LRRC9: variants seen among roughly 807,000 people sequenced by gnomAD.
LRRC9 encodes the protein leucine rich repeat containing 9.
A neutral mutation model predicts 63.2 loss-of-function variants in LRRC9; 122 were observed. That is an observed-to-expected ratio of 1.93 (90% confidence interval 1.67 to 2.24). LRRC9 has a LOEUF of 2.24. Among genes scored for constraint, LRRC9 ranks in the 30% most tolerant of loss-of-function variants. LRRC9 has a pLI of 0.00. For synonymous variants in LRRC9, 366 were observed against 213.1 expected (o/e 1.72, Z -6.25); for missense variants, 1,071 against 627.7 (o/e 1.71, Z -7.55).
Position 60,042,326 on chromosome 14 carries a change from C to T in LRRC9, c.3990+10263C>T, listed in dbSNP as rs551746102. On this transcript the variant is annotated intron_variant, in intron 29 of 31. Transcript: ENST00000445360. This position sits in a 1 kb window ranked among gnomAD's most constrained non-coding sequence, Gnocchi z 4.2. The stretch of plus-strand genomic sequence containing the variant: ...GCAGAAGTTTCTGCTGCCTGTTGTT[C>T]AGCTATGCCCTGCCCCCAGAGGTGG... Among the ~76,000 whole-genome samples, 1,448 of 152,308 alleles carry T rather than the reference C, an allele frequency of 9.5e-3. 26 individuals carry two copies. The highest frequency in any genetic ancestry group is 0.033 in the African/African-American group (1,370 of 41,568).
At chr14:60,008,853 A>G (rs1267732826) in intron 23 of LRRC9, among the ~76,000 whole-genome samples, 1 of 152,188 alleles carries the variant, frequency 6.6e-6, no homozygotes, top group Non-Finnish European at 1.5e-5. Flanking sequence ...TAGAAAATTG[A>G]AAGATAGTTC....
intron 27 of LRRC9, 24 bp downstream of exon 27, chr14:60,022,894 AT>A: frequency 1.9e-6 from 1 of 535,734 alleles, no homozygotes; most frequent in Non-Finnish European, 3.4e-6. Flanking sequence ...CTGTTACTGT[AT>A]AAGTCTTTAT....
Position 60,031,201 on chromosome 14 carries a change from T to G in LRRC9, c.3922-794T>G, listed in dbSNP as rs1343683293. Among the ~76,000 whole-genome samples the G allele has an allele frequency of 1.3e-5, 2 of 152,068 alleles. No individual in the cohort carries two copies. The highest frequency in any genetic ancestry group is 2.9e-5 in the Non-Finnish European group (2 of 67,962). On this transcript the variant is annotated intron_variant, in intron 28 of 31. Coordinates refer to ENST00000445360, the Ensembl canonical transcript of LRRC9. This position sits in a 1 kb window ranked among gnomAD's most constrained non-coding sequence, Gnocchi z 4.6. ...TATGATACTTCCAAAATTAAAATAG[T>G]AAAGATCAGTCATTTTAAAAATCAA...
rs1890806286 is a variant in LRRC9 at position 60,017,727 on chromosome 14, A to G, written c.3318-644A>G. 6.6e-6 allele frequency among the ~76,000 whole-genome samples: 1 copy of G among 152,048 alleles called. No homozygotes were observed. The highest frequency in any genetic ancestry group is 1.5e-5 in the Non-Finnish European group (1 of 67,996). On this transcript the variant is annotated intron_variant, in intron 24 of 31. Transcript: ENST00000445360. This position sits in a 1 kb window ranked among gnomAD's most constrained non-coding sequence, Gnocchi z 4.0. Reference sequence around the variant, plus strand: ...TCATAATTGTAACTTCAAGTTTAGGATTTATTTAGAGAACTGGTTAGGGAA... The same window carrying G: ...TCATAATTGTAACTTCAAGTTTAGGGTTTATTTAGAGAACTGGTTAGGGAA...
chr14:60,025,499 G>A (rs1402120188), intron 27 of LRRC9, among the ~76,000 whole-genome samples: 1 of 151,980 alleles, frequency 6.6e-6, no homozygotes, highest in Non-Finnish European at 1.5e-5. Flanking sequence ...AGTATGTTCT[G>A]ATGCCATGGC....
At position 59,938,946 on chromosome 14, in the gene LRRC9, CATACAT is replaced by C; in HGVS notation, c.726+378_726+383del. On this transcript the variant is annotated intron_variant, in intron 7 of 31. Transcript: ENST00000445360. This position sits in a 1 kb window ranked among gnomAD's most constrained non-coding sequence, Gnocchi z 4.2. Reference sequence around the variant, plus strand: ...ATATATATACACATATATACATATACATACATATATACACACATATATACATATATA... The same window carrying C: ...ATATATATACACATATATACATATACATATACACACATATATACATATATA... 1.0e-5 allele frequency among the ~76,000 whole-genome samples: 1 copy of C among 97,940 alleles called. No homozygotes were observed. Among genetic ancestry groups the C allele is most frequent in the South Asian group, 4.8e-4 (1 of 2,088 alleles). 64.3% of individuals were successfully genotyped at this position (97,940 alleles called of 152,430 possible).
chr14:60,037,912 G>A (rs1270606489), intron 29 of LRRC9, among the ~76,000 whole-genome samples: 2 of 152,162 alleles, frequency 1.3e-5, no homozygotes, highest in African/African-American at 4.8e-5. Flanking sequence ...CTAAATTTAA[G>A]TCTTTAATCT....
chr14:60,021,968 T>C (rs1456168642), intron 26 of LRRC9, among the ~76,000 whole-genome samples: 2 of 151,810 alleles, frequency 1.3e-5, no homozygotes, highest in African/African-American at 4.8e-5. Flanking sequence ...TATTCTAGAT[T>C]CTTTGCATTT....
intron 10 of LRRC9, among the ~76,000 whole-genome samples, chr14:59,965,372 C>G (rs1472151340): frequency 2.0e-5 from 3 of 152,176 alleles, no homozygotes; most frequent in East Asian, 1.9e-4. Context: ...CTCTTCAGAG[C>G]CTTTTTCAGT....
chr14:59,992,910 CA>C (rs1262577811), intron 17 of LRRC9, among the ~76,000 whole-genome samples: 3 of 152,162 alleles, frequency 2.0e-5, no homozygotes, highest in Non-Finnish European at 4.4e-5. Context: ...AGAACTTCCC[CA>C]ATCTAGCAAG....
intron 5 of LRRC9, 66 bp from the exon 6 acceptor site, chr14:59,931,903 T>G (rs1889734806): frequency 1.5e-6 from 1 of 684,132 alleles, no homozygotes; most frequent in South Asian, 1.6e-5. Context: ...TACATACAAC[T>G]CAGAAGTATG....
chr14:59,999,419 A>G (rs1012327455), intron 19 of LRRC9, among the ~76,000 whole-genome samples, 193 bp downstream of exon 19: 2 of 151,944 alleles, frequency 1.3e-5, no homozygotes, highest in African/African-American at 2.4e-5. Flanking sequence ...CGTTGTATGG[A>G]TTCTCTTGAC....
intron 12 of LRRC9, among the ~76,000 whole-genome samples, 192 bp from the exon 13 acceptor site, chr14:59,974,384 A>T (rs1025606708): frequency 1.3e-5 from 2 of 152,114 alleles, no homozygotes; most frequent in African/African-American, 4.8e-5. Context: ...ACCTATTTGC[A>T]TATGAATTTA....
At chr14:60,041,092 T>TGTC in intron 29 of LRRC9, among the ~76,000 whole-genome samples, 1 of 152,004 alleles carries the variant, frequency 6.6e-6, no homozygotes, top group African/African-American at 2.4e-5. Flanking sequence ...TGGTCCCCAC[T>TGTC]CTCTTCTGGC....
At chr14:59,979,372 A>G (rs219332) in intron 15 of LRRC9, among the ~76,000 whole-genome samples, 114,638 of 152,128 alleles carry the variant, frequency 0.75, 45,086 homozygotes, top group Non-Finnish European at 0.87. Context: ...TAATCCCAGC[A>G]CTTTGGGAGG....
At chr14:59,929,895 AG>A (rs2139773459) in intron 3 of LRRC9, among the ~76,000 whole-genome samples, 1 of 152,180 alleles carries the variant, frequency 6.6e-6, no homozygotes, top group African/African-American at 2.4e-5. Context: ...GGACACATAG[AG>A]GGGAACGACA....
chr14:60,034,511 G>A (rs541809380), intron 29 of LRRC9, among the ~76,000 whole-genome samples: 7 of 151,520 alleles, frequency 4.6e-5, no homozygotes, highest in East Asian at 1.9e-4. Flanking sequence ...CCCGCTCCCC[G>A]TCCCAGACTC....
chr14:60,037,787 A>G (rs1197792069), intron 29 of LRRC9, among the ~76,000 whole-genome samples: 1 of 152,016 alleles, frequency 6.6e-6, no homozygotes, highest in Non-Finnish European at 1.5e-5. Flanking sequence ...CCCATTTGTC[A>G]ATTTTGGCTT....
intron 27 of LRRC9, among the ~76,000 whole-genome samples, chr14:60,026,800 G>A (rs576689765): frequency 7.2e-4 from 109 of 152,156 alleles, no homozygotes; most frequent in African/African-American, 2.4e-3. Flanking sequence ...TTAAAAATGA[G>A]TTGACTGTAA....
Sources: allele counts gnomAD v4.1 joint callset (sites outside exome capture counted in the v4.1 genomes callset), GRCh38; gene constraint gnomAD v4.1.1; non-coding constraint Gnocchi (gnomAD v3.1); transcripts MANE v1.5; gene names NCBI Gene and HGNC (gene_info 2026-07-23, HGNC 2026-07-21).